Variants in CASK observed in about 807,000 individuals in gnomAD.
The protein encoded by CASK is peripheral plasma membrane protein CASK.
In CASK, 4 loss-of-function variants were observed where a neutral mutation model predicts 82.9. That is an observed-to-expected ratio of 0.05 (90% CI 0.02 to 0.11). The LOEUF (loss-of-function observed/expected upper bound fraction) is 0.11. Among genes scored for constraint, CASK ranks in the 10% least tolerant of loss-of-function variants. CASK has a pLI of 1.00. For missense variants in CASK, 358 were observed against 720.9 expected (o/e 0.50, Z 5.76); for synonymous variants, 259 against 253.5 (o/e 1.02, Z -0.20).
chrX:41,884,215 A>G (rs1332361002), intron 1 of CASK, among the ~76,000 whole-genome samples: 2 of 112,040 alleles, frequency 1.8e-5, no homozygotes, highest in Non-Finnish European at 3.8e-5. Context: ...GTTAAATGCT[A>G]CGTTTCCTAC....
At chrX:41,577,674 A>G (rs12396282) in intron 15 of CASK, among the ~76,000 whole-genome samples, 15,946 of 110,623 alleles carry the variant, frequency 0.14, 901 homozygotes, top group Middle Eastern at 0.18. Context: ...TTTGCTGAAT[A>G]GTATTCCCCT....
rs1443031993 is a variant in CASK at position 41,829,611 on chromosome X, T to G, written c.172+23504A>C. ...GAATTCTTGTACATGTTTTTGTTTT[T>G]TTTTTTTTTGGGGGGGTGGGGGTGA... On this transcript the variant is annotated intron_variant, in intron 2 of 26. Coordinates refer to ENST00000378163, the MANE Select transcript of CASK (RefSeq NM_001367721.1). 2.1e-4 allele frequency among the ~76,000 whole-genome samples: 6 copies of G among 28,359 alleles called. 1 individual carries two copies. Among genetic ancestry groups the G allele is most frequent in the Non-Finnish European group, 3.9e-4 (6 of 15,274 alleles). 24.6% of individuals were successfully genotyped at this position (28,359 alleles called of 115,157 possible).
chrX:41,785,617 TGAA>T (rs1348745301), intron 3 of CASK, among the ~76,000 whole-genome samples: 3 of 112,710 alleles, frequency 2.7e-5, no homozygotes, highest in African/African-American at 6.4e-5. Flanking sequence ...CATATTTGAA[TGAA>T]GGAGTTAACA....
At chrX:41,542,307 A>C (rs2064957024) in intron 22 of CASK, among the ~76,000 whole-genome samples, 1 of 112,739 alleles carries the variant, frequency 8.9e-6, no homozygotes, top group African/African-American at 3.2e-5. Flanking sequence ...GGCCACGCCC[A>C]AGGGCCAGGC....
chrX:41,533,947 C>T (rs1489747186), intron 24 of CASK, among the ~76,000 whole-genome samples: 3 of 111,697 alleles, frequency 2.7e-5, no homozygotes, highest in Non-Finnish European at 5.6e-5. Flanking sequence ...CATGAGCCAC[C>T]GCGCCTGGCC....
At chrX:41,898,363 T>C (rs2072308922) in intron 1 of CASK, among the ~76,000 whole-genome samples, 1 of 111,858 alleles carries the variant, frequency 8.9e-6, no homozygotes, top group African/African-American at 3.2e-5. Context: ...GCTAAAGATT[T>C]GTTGATTTTA....
chrX:41,576,658 A>C, intron 15 of CASK, among the ~76,000 whole-genome samples: 1 of 112,136 alleles, frequency 8.9e-6, no homozygotes, highest in Non-Finnish European at 1.9e-5. Context: ...AAATGAATGA[A>C]TATATAAAAT....
chrX:41,568,566 G>C (rs931136845), intron 16 of CASK, among the ~76,000 whole-genome samples: 1 of 111,714 alleles, frequency 9.0e-6, no homozygotes, highest in African/African-American at 3.3e-5. Flanking sequence ...CAAAGACAGA[G>C]AGTCTGCCAG....
At chrX:41,684,857 T>A (rs2067416323) in intron 5 of CASK, among the ~76,000 whole-genome samples, 1 of 111,974 alleles carries the variant, frequency 8.9e-6, no homozygotes, top group Non-Finnish European at 1.9e-5. Context: ...TTTAACAAGG[T>A]CTGTAGAATA....
intron 3 of CASK, among the ~76,000 whole-genome samples, chrX:41,750,133 T>C (rs2068762619): frequency 8.9e-6 from 1 of 112,032 alleles, no homozygotes; most frequent in African/African-American, 3.2e-5. Context: ...TTAAAGCTAT[T>C]TGATTATTTA....
intron 16 of CASK, among the ~76,000 whole-genome samples, chrX:41,563,456 T>C (rs1353912796): frequency 1.1e-5 from 1 of 89,826 alleles, no homozygotes; most frequent in African/African-American, 4.1e-5. Context: ...AAAAAGGAGA[T>C]AATAAAAATT....
At chrX:41,611,851 G>A (rs977656559) in intron 11 of CASK, among the ~76,000 whole-genome samples, 11 of 110,669 alleles carry the variant, frequency 9.9e-5, no homozygotes, top group Non-Finnish European at 1.5e-4. Flanking sequence ...GGCGCGCGCC[G>A]CCACGCCTGA....
At chrX:41,678,921 TAA>T (rs1242875111) in intron 5 of CASK, among the ~76,000 whole-genome samples, 2 of 96,421 alleles carry the variant, frequency 2.1e-5, no homozygotes. Flanking sequence ...TGCCTCTACT[TAA>T]AAAAAAAAAA....
intron 3 of CASK, among the ~76,000 whole-genome samples, chrX:41,775,938 T>A (rs949927021): frequency 1.9e-5 from 2 of 104,157 alleles, no homozygotes. Flanking sequence ...TAATGCTAGA[T>A]GACAAGTTAG....
In CASK at chrX:41,586,923, G is replaced by T; in HGVS notation, c.1298C>A (p.Thr433Lys). Residue 433 changes from threonine (T) to lysine (K), a missense_variant, in exon 14 of 27, where the codon ACA (threonine) becomes AAA (lysine). By Grantham distance (78) the Thr-to-Lys change is moderately conservative. Transcript: ENST00000378163. ...ATTACTTACCATGAAATGAGGTTGTGTTAAAATACGCTTTAGTTCCTTTGC... is the reference window on the plus strand; with the variant it reads ...ATTACTTACCATGAAATGAGGTTGTTTTAAAATACGCTTTAGTTCCTTTGC... ...NDAKELKRIL[T>K]QPHFMALLQT... 8.5e-7 allele frequency: 1 copy of T among 1,171,784 alleles called. No homozygotes were observed. The highest frequency in any genetic ancestry group is 1.2e-6 in the Non-Finnish European group (1 of 859,847).
Position 41,524,044 on chromosome X carries a change from GAAAAA to G in CASK, c.2521-15_2521-11del. The G allele has an allele frequency of 1.1e-6, 1 of 904,081 alleles. No homozygotes were observed. Among genetic ancestry groups the G allele is most frequent in the East Asian group, 3.7e-5 (1 of 27,377 alleles). The allele number at this position is 904,081 out of a possible 1,213,427, so 74.5% of individuals were successfully genotyped here. ...TCAGGACCTTCAGTGCCTGTGTTAAGAAAAAAAAAAAAAATCCCGACTTAAAAGAA... is the reference window on the plus strand; with the variant it reads ...TCAGGACCTTCAGTGCCTGTGTTAAGAAAAAAAAATCCCGACTTAAAAGAA... On this transcript the variant is annotated splice_polypyrimidine_tract_variant and intron_variant, in intron 25 of 26. Coordinates refer to ENST00000378163, the MANE Select transcript of CASK (RefSeq NM_001367721.1).
intron 3 of CASK, among the ~76,000 whole-genome samples, chrX:41,771,705 A>G (rs1194932644): frequency 2.7e-5 from 3 of 111,842 alleles, no homozygotes; most frequent in Non-Finnish European, 5.6e-5. Flanking sequence ...TTCAAAATTA[A>G]CAGAGGGAAA....
At chrX:41,896,719 G>C (rs2072277045) in intron 1 of CASK, among the ~76,000 whole-genome samples, 1 of 111,693 alleles carries the variant, frequency 9.0e-6, no homozygotes, top group Non-Finnish European at 1.9e-5. Context: ...TTTTGATAGA[G>C]GCACAATAAT....
chrX:41,796,040 G>A (rs2069844338), intron 2 of CASK, among the ~76,000 whole-genome samples: 2 of 111,683 alleles, frequency 1.8e-5, no homozygotes, highest in Non-Finnish European at 3.8e-5. Flanking sequence ...CCTGGGTTCT[G>A]AGAACCCACC....
Sources: allele counts gnomAD v4.1 joint callset (sites outside exome capture counted in the v4.1 genomes callset), GRCh38; gene constraint gnomAD v4.1.1; transcripts MANE v1.5; gene names NCBI Gene and HGNC (gene_info 2026-07-23, HGNC 2026-07-21).